The following ANKRD12 variants were observed in gnomAD, a reference collection of about 807,000 sequenced individuals.
ANKRD12 encodes the protein ankyrin repeat domain 12, also known as ankyrin repeat domain-containing protein 12.
ANKRD12 carries 85 observed loss-of-function variants against 183.4 expected under a neutral mutation model. The observed-to-expected ratio is 0.46, with a 90% CI of 0.39 to 0.56. The LOEUF is 0.56. ANKRD12 is among the 20% of genes least tolerant of loss of function. The pLI is 0.00. For missense variants in ANKRD12, 2,405 were observed against 2,357.1 expected, an observed-to-expected ratio of 1.02 and a Z score of -0.42; for synonymous variants, 914 against 800.2, an observed-to-expected ratio of 1.14 and a Z score of -2.40.
At chr18:9,253,396 T>A (rs1024789222) in intron 8 of ANKRD12, among the ~76,000 whole-genome samples, 1 of 152,212 alleles carries the variant, frequency 6.6e-6, no homozygotes. Flanking sequence ...TCCATGAGTT[T>A]AATTTTTTGC....
intron 8 of ANKRD12, among the ~76,000 whole-genome samples, chr18:9,244,382 G>A (rs1292100175): frequency 6.6e-6 from 1 of 152,034 alleles, no homozygotes; most frequent in East Asian, 1.9e-4. Context: ...ATGAGGTCTT[G>A]CTATATTGCC....
intron 1 of ANKRD12, among the ~76,000 whole-genome samples, chr18:9,153,829 C>T (rs1338099062): frequency 2.0e-5 from 3 of 151,914 alleles, no homozygotes; most frequent in Non-Finnish European, 4.4e-5. Context: ...GGACTGTCTT[C>T]TCTACTTGTT....
chr18:9,151,741 TAA>T (rs1170259746), intron 1 of ANKRD12, among the ~76,000 whole-genome samples: 1 of 152,238 alleles, frequency 6.6e-6, no homozygotes, highest in African/African-American at 2.4e-5. Flanking sequence ...GGAACTGAAA[TAA>T]AGTTAGGAAC....
At chr18:9,149,798 A>ATTTTTAT (rs1568221285) in intron 1 of ANKRD12, among the ~76,000 whole-genome samples, 59 of 118,302 alleles carry the variant, frequency 5.0e-4, no homozygotes, top group African/African-American at 1.8e-3. Context: ...ATTAAATTTT[A>ATTTTTAT]TTTTTTTTTT....
chr18:9,262,728 T>G (rs1340204810), intron 9 of ANKRD12, among the ~76,000 whole-genome samples: 1 of 147,216 alleles, frequency 6.8e-6, no homozygotes, highest in African/African-American at 2.5e-5. Flanking sequence ...CAATCCTACT[T>G]CAGCCTCCCA....
intron 1 of ANKRD12, among the ~76,000 whole-genome samples, chr18:9,175,523 C>CTTT (rs33944736): frequency 0.12 from 6,108 of 53,000 alleles, 1,911 homozygotes; most frequent in South Asian, 0.23. Context: ...AAAGGCTCCT[C>CTTT]TTTTTTTTTT....
chr18:9,281,260 T>A lies in ANKRD12; in HGVS notation c.*134T>A. On this transcript the variant is annotated 3_prime_UTR_variant, in exon 13 of 13. Coordinates refer to ENST00000262126, the MANE Select transcript of ANKRD12 (RefSeq NM_015208.5). Reference sequence around the variant, plus strand: ...AGTTCGATTATAGTTGGTTATGTAGTAAACACTGTCATTTTATAAAAAATG... The same window carrying A: ...AGTTCGATTATAGTTGGTTATGTAGAAAACACTGTCATTTTATAAAAAATG... The A allele has an allele frequency of 1.6e-6, 1 of 639,326 alleles. No individual in the cohort carries two copies. Among genetic ancestry groups the A allele is most frequent in the South Asian group, 2.8e-5 (1 of 36,226 alleles). 39.6% of individuals were successfully genotyped at this position (639,326 alleles called of 1,614,324 possible). A position where few individuals can be genotyped will look rare whatever the true frequency, so the allele number is the denominator to read the frequency against.
chr18:9,140,402 T>G (rs2078275715), intron 1 of ANKRD12, among the ~76,000 whole-genome samples: 1 of 152,200 alleles, frequency 6.6e-6, no homozygotes, highest in Admixed American at 6.5e-5. Context: ...CTAACCTTAG[T>G]TAAGCTGCTT....
chr18:9,191,540 G>A (rs993272181), intron 2 of ANKRD12, among the ~76,000 whole-genome samples: 1 of 151,874 alleles, frequency 6.6e-6, no homozygotes, highest in Non-Finnish European at 1.5e-5. Flanking sequence ...AAGGGAGAAG[G>A]GATTTTTAAA....
In ANKRD12 at chr18:9,283,763, AAAAG is replaced by A. The variant is rs1422215692; in HGVS notation, c.*2639_*2642del. On this transcript the variant is annotated 3_prime_UTR_variant, in exon 13 of 13. Transcript: ENST00000262126. ...ATAAAGAGTTATATTTTTATAGAAAAAAAGAGTGAAATGTGTGCTAACTGTTTTT... is the reference window on the plus strand; with the variant it reads ...ATAAAGAGTTATATTTTTATAGAAAAAGTGAAATGTGTGCTAACTGTTTTT... 6 of 152,612 alleles carry A rather than the reference AAAAG, an allele frequency of 3.9e-5. No homozygotes were observed. Among genetic ancestry groups the A allele is most frequent in the Admixed American group, 1.3e-4 (2 of 15,274 alleles). The allele number at this position is 152,612 out of a possible 1,614,324, so 9.5% of individuals were successfully genotyped here.
chr18:9,258,528 G>A lies in ANKRD12; in HGVS notation c.5261G>A (p.Cys1754Tyr), dbSNP rs969684457. 3.1e-6 allele frequency: 5 copies of A among 1,613,728 alleles called. No individual in the cohort carries two copies. The highest frequency in any genetic ancestry group is 3.4e-6 in the Non-Finnish European group (4 of 1,179,906). Residue 1754 changes from cysteine (C) to tyrosine (Y), a missense_variant, in exon 9 of 13, where the codon TGT (cysteine) becomes TAT (tyrosine). Transcript: ENST00000262126. ...CAAAGCAAACAGATTCTTGCTAGCT[G>A]TACACTATTATCAGAAAAAGACAGT... ...ANQSKQILAS[C>Y]TLLSEKDSES...
intron 8 of ANKRD12, among the ~76,000 whole-genome samples, chr18:9,232,051 T>C (rs1205513670): frequency 6.6e-6 from 1 of 152,224 alleles, no homozygotes. Flanking sequence ...TATTCAATTT[T>C]ATTGATATGT....
intron 3 of ANKRD12, 36 bp from the exon 4 acceptor site, chr18:9,204,440 C>T: frequency 1.3e-6 from 2 of 1,491,942 alleles, no homozygotes; most frequent in South Asian, 1.2e-5. Flanking sequence ...CCTCCGTGTG[C>T]TTTTTTCTCT....
intron 2 of ANKRD12, among the ~76,000 whole-genome samples, chr18:9,182,879 G>A (rs1424618629): frequency 6.6e-6 from 1 of 152,040 alleles, no homozygotes; most frequent in South Asian, 2.1e-4. Flanking sequence ...TTGGACTCCT[G>A]CAATTGTCTC....
rs572434797 is a variant in ANKRD12 at position 9,161,738 on chromosome 18, A to G, written c.-51-20644A>G. On this transcript the variant is annotated intron_variant, in intron 1 of 12. Transcript: ENST00000262126. ...TTACGGGGTACTATGTGATATGTTG[A>G]TGTGTGTGTGTGTGTATATATATAT... Among the ~76,000 whole-genome samples, 177 of 148,472 alleles carry G rather than the reference A, an allele frequency of 1.2e-3. 1 individual carries two copies. Among genetic ancestry groups the G allele is most frequent in the Middle Eastern group, 7.0e-3 (2 of 284 alleles).
chr18:9,182,576 TTAAG>T (rs879379827), intron 2 of ANKRD12, 57 bp downstream of exon 2: 60 of 1,154,830 alleles, frequency 5.2e-5, no homozygotes, highest in Non-Finnish European at 7.2e-5. Flanking sequence ...AGACTCCCAA[TTAAG>T]TATTTTTAGT....
chr18:9,258,614 C>T lies in ANKRD12; in HGVS notation c.5347C>T (p.His1783Tyr). 2 of 1,613,820 alleles carry T rather than the reference C, an allele frequency of 1.2e-6. No homozygotes were observed. Among genetic ancestry groups the T allele is most frequent in the Non-Finnish European group, 8.5e-7 (1 of 1,179,892 alleles). ...TGAAGATGACGATCCTCAAATTCAC[C>T]ATCCACGGAAAAGGAAAGTGTCACG... ...LTEDDDPQIH[H>Y]PRKRKVSRVP... The change falls in exon 9 of 13, where the codon CAT (histidine) becomes TAT (tyrosine). Residue 1783 changes from histidine (H) to tyrosine (Y), a missense_variant. Physicochemically the swap from His to Tyr is moderately conservative, Grantham distance 83. Coordinates refer to ENST00000262126, the MANE Select transcript of ANKRD12 (RefSeq NM_015208.5).
rs2298548 is a variant in ANKRD12 at position 9,221,885 on chromosome 18, C to G, written c.829C>G (p.Pro277Ala). 124,354 of 1,613,540 alleles carry G rather than the reference C, an allele frequency of 0.077. 5,150 individuals carry two copies. The highest frequency in any genetic ancestry group is 0.084 in the Non-Finnish European group (99,244 of 1,179,700). ...GCTGTTACTTCGTCACGGTGGAAAT[C>G]CATTTCAAGCTAATAAACATGGGGA... ...VKLLLRHGGN[P>A]FQANKHGERP... The change falls in exon 8 of 13, where the codon CCA (proline) becomes GCA (alanine). Residue 277 changes from proline (P) to alanine (A), a missense_variant. Around this residue, in one of 7 missense-constraint regions of ANKRD12, gnomAD observed 40 missense variants for 54.2 expected, o/e 0.74. Coordinates refer to ENST00000262126, the MANE Select transcript of ANKRD12 (RefSeq NM_015208.5).
Position 9,258,673 on chromosome 18 carries a change from A to C in ANKRD12, c.5406A>C (p.Leu1802Phe). 6.2e-7 allele frequency: 1 copy of C among 1,613,974 alleles called. No individual in the cohort carries two copies. Among genetic ancestry groups the C allele is most frequent in the Non-Finnish European group, 8.5e-7 (1 of 1,179,910 alleles). ...AGCCTGTGCAAGTGAGTCCCTCTTT[A>C]CTACAAGCAAAAGAGAAAACTCAGC... ...VPQPVQVSPS[L>F]LQAKEKTQQS... is the part of the protein sequence containing the mutation. The change falls in exon 9 of 13, where the codon TTA (leucine) becomes TTC (phenylalanine). Residue 1802 changes from leucine to phenylalanine, a missense_variant. Leu to Phe is a conservative substitution (Grantham distance 22). This residue lies in a region of ANKRD12 where 1,983 missense variants were observed against 1,725.9 expected (regional missense o/e 1.15). Transcript: ENST00000262126.
Sources: allele counts gnomAD v4.1 joint callset (sites outside exome capture counted in the v4.1 genomes callset), GRCh38; gene constraint gnomAD v4.1.1; regional missense constraint gnomAD v4.1.1; transcripts MANE v1.5; gene names NCBI Gene and HGNC (gene_info 2026-07-23, HGNC 2026-07-21).